The following GARIN2 variants were observed in gnomAD, a reference collection of about 807,000 sequenced individuals.
The protein encoded by GARIN2 is Golgi-associated RAB2 interactor protein 2.
chr14:67,191,596 C>T, the GARIN2 span, among the ~76,000 whole-genome samples: 2 of 152,158 alleles, frequency 1.3e-5, no homozygotes, highest in African/African-American at 4.8e-5. Context: ...AATAAAGGCA[C>T]CCCACCCCTA....
At chr14:67,204,963 TGTCACAGAA>T in the GARIN2 span, 2 of 1,600,802 alleles carry the variant, frequency 1.2e-6, no homozygotes, top group Non-Finnish European at 1.7e-6. Flanking sequence ...ATGTAAGAAT[TGTCACAGAA>T]GTCATAGAAG....
chr14:67,218,793 G>A, the GARIN2 span, among the ~76,000 whole-genome samples: 10 of 151,976 alleles, frequency 6.6e-5, no homozygotes, highest in African/African-American at 2.4e-4. Context: ...TCTCATTTGA[G>A]GGTGTGTATG....
At chr14:67,213,059 T>A in the GARIN2 span, among the ~76,000 whole-genome samples, 5 of 150,972 alleles carry the variant, frequency 3.3e-5, no homozygotes, top group African/African-American at 4.9e-5. Flanking sequence ...TCTTACTGAA[T>A]CATAAGCTTG....
chr14:67,205,013 C>T, the GARIN2 span: 43 of 1,556,606 alleles, frequency 2.8e-5, 2 homozygotes, highest in African/African-American at 3.7e-4. Flanking sequence ...ACAGACAGCT[C>T]TGATATTACA....
the GARIN2 span, among the ~76,000 whole-genome samples, chr14:67,212,036 C>T: frequency 6.6e-6 from 1 of 152,024 alleles, no homozygotes; most frequent in Non-Finnish European, 1.5e-5. Context: ...TAATCTTAAC[C>T]ACTGTGAAGA....
the GARIN2 span, among the ~76,000 whole-genome samples, chr14:67,193,954 C>CAAAAAAAAAAAAAAAAAAAAA: frequency 1.2e-5 from 1 of 85,758 alleles, no homozygotes; most frequent in African/African-American, 4.2e-5. Flanking sequence ...CAAAAAAAAA[C>CAAAAAAAAAAAAAAAAAAAAA]AAAAAAAAAA....
At chr14:67,221,404 T>G in the GARIN2 span, among the ~76,000 whole-genome samples, 1 of 152,212 alleles carries the variant, frequency 6.6e-6, no homozygotes, top group East Asian at 1.9e-4. Context: ...TTGACCTTAT[T>G]TATTTACACG....
the GARIN2 span, among the ~76,000 whole-genome samples, chr14:67,205,439 C>A: frequency 2.6e-5 from 4 of 152,162 alleles, no homozygotes; most frequent in Admixed American, 2.0e-4. Flanking sequence ...TCAGTTTCCC[C>A]ACTTCTAAAG....
At chr14:67,223,752 G>A in the GARIN2 span, 3 of 984,332 alleles carry the variant, frequency 3.0e-6, no homozygotes, top group African/African-American at 5.3e-5. Context: ...TTCTTACTTA[G>A]GCTTGTATAG....
the GARIN2 span, among the ~76,000 whole-genome samples, chr14:67,193,596 T>G: frequency 3.0e-3 from 441 of 144,680 alleles, no homozygotes; most frequent in Non-Finnish European, 5.1e-3. Context: ...TATAGATATA[T>G]ATCTATAGAT....
chr14:67,191,495 G>A, the GARIN2 span, among the ~76,000 whole-genome samples: 2 of 152,200 alleles, frequency 1.3e-5, no homozygotes, highest in African/African-American at 4.8e-5. Context: ...TGGCTTTTCA[G>A]ATTCCCACTC....
the GARIN2 span, chr14:67,221,847 TG>T: frequency 6.2e-7 from 1 of 1,607,172 alleles, no homozygotes; most frequent in East Asian, 2.2e-5. Flanking sequence ...TTGTGATCCC[TG>T]GTATTCAGTA....
the GARIN2 span, among the ~76,000 whole-genome samples, chr14:67,222,589 G>T: frequency 6.6e-6 from 1 of 152,040 alleles, no homozygotes; most frequent in African/African-American, 2.4e-5. Context: ...TTAATGTTTG[G>T]GTTTTATTTG....
At chr14:67,208,264 G>C in the GARIN2 span, 2 of 1,613,888 alleles carry the variant, frequency 1.2e-6, no homozygotes, top group South Asian at 2.2e-5. Context: ...AGAGTGAGTT[G>C]AAAGAATCCT....
the GARIN2 span, among the ~76,000 whole-genome samples, chr14:67,225,951 G>GTGTGTGTGTGTGTT: frequency 1.2e-4 from 17 of 138,180 alleles, no homozygotes; most frequent in Non-Finnish European, 2.6e-4. Context: ...GTGTGTGTGT[G>GTGTGTGTGTGTGTT]TGTGTGTGTG....
chr14:67,199,675 C>G, the GARIN2 span: 1 of 1,580,396 alleles, frequency 6.3e-7, no homozygotes, highest in Non-Finnish European at 8.7e-7. Flanking sequence ...CCCAGCCTGA[C>G]CGCCCTCATC....
chr14:67,213,668 G>T, the GARIN2 span, among the ~76,000 whole-genome samples: 3 of 152,016 alleles, frequency 2.0e-5, no homozygotes, highest in South Asian at 2.1e-4. Context: ...ATAGTCCTTT[G>T]GGTATATACC....
At chr14:67,198,301 TAGAG>T in the GARIN2 span, 6 of 1,613,432 alleles carry the variant, frequency 3.7e-6, no homozygotes, top group South Asian at 4.4e-5. Flanking sequence ...CCTCCCATGT[TAGAG>T]AGCAATTTTA....
At chr14:67,227,171 G>T in the GARIN2 span, among the ~76,000 whole-genome samples, 19 of 152,006 alleles carry the variant, frequency 1.2e-4, no homozygotes, top group Admixed American at 1.0e-3. Flanking sequence ...GCTGGGCGTG[G>T]TGGCTCACGC....
Sources: gnomAD v4.1 joint callset for allele counts (sites outside exome capture counted in the v4.1 genomes callset) on GRCh38, gnomAD v4.1.1 for gene constraint, MANE v1.5 for transcripts, NCBI Gene and HGNC (gene_info 2026-07-23, HGNC 2026-07-21) for gene names.